C11orf65: variants seen among roughly 807,000 people sequenced by gnomAD.
C11orf65 encodes protein MFI.
Under a neutral mutation model 35.3 loss-of-function variants are expected in C11orf65, and 38 were observed. The observed-to-expected ratio is 1.08, with a 90% CI of 0.83 to 1.41. The LOEUF (loss-of-function observed/expected upper bound fraction) is 1.41, where lower values mean the gene tolerates loss of function less well. C11orf65 is among the 40% of genes most tolerant of loss of function. The pLI, the probability that C11orf65 is intolerant of heterozygous loss-of-function variation, is 0.00. For synonymous variants in C11orf65, 105 were observed against 114.4 expected (o/e 0.92, Z 0.53); for missense variants, 370 against 367.1 (o/e 1.01, Z -0.06).
chr11:108,316,496 A>G (rs1380651999), intron 6 of C11orf65, among the ~76,000 whole-genome samples: 3 of 152,164 alleles, frequency 2.0e-5, no homozygotes, highest in African/African-American at 4.8e-5. Flanking sequence ...AGTTGGTCCC[A>G]GAACCTGTTG....
chr11:108,353,905 G>C, intron 2 of C11orf65: 1 of 1,592,932 alleles, frequency 6.3e-7, no homozygotes, highest in Non-Finnish European at 8.6e-7. Context: ...GTAAAGGAGG[G>C]AAATAATTTT....
intron 2 of C11orf65, among the ~76,000 whole-genome samples, chr11:108,435,528 T>C (rs2093048480): frequency 6.6e-6 from 1 of 152,124 alleles, no homozygotes; most frequent in Non-Finnish European, 1.5e-5. Context: ...TTGTTAAAGG[T>C]CTAGCCCCTT....
At chr11:108,464,294 TTC>T (rs1385922136) in intron 1 of C11orf65, among the ~76,000 whole-genome samples, 11 of 152,056 alleles carry the variant, frequency 7.2e-5, no homozygotes, top group South Asian at 2.1e-4. Context: ...ACATATATAT[TTC>T]TGTTTTTTGT....
intron 2 of C11orf65, among the ~76,000 whole-genome samples, chr11:108,447,820 G>A (rs552088299): frequency 3.3e-5 from 5 of 152,044 alleles, no homozygotes; most frequent in African/African-American, 7.2e-5. Context: ...CACAAAAAAC[G>A]CTTCAAAAAA....
chr11:108,403,684 C>A (rs904724771), intron 6 of C11orf65, among the ~76,000 whole-genome samples: 77 of 152,092 alleles, frequency 5.1e-4, no homozygotes, highest in Non-Finnish European at 9.4e-4. Context: ...TAATTTTACA[C>A]ATGCTGTAAG....
chr11:108,360,068 AAG>A lies in C11orf65; in HGVS notation c.227-24778_227-24777del, dbSNP rs879403981. ...CCGCTAGCAAGACTAATAAAGAAAAAAGAGAGAAGAATCAAATAGACACAATA... is the reference window on the plus strand; with the variant it reads ...CCGCTAGCAAGACTAATAAAGAAAAAAGAGAAGAATCAAATAGACACAATA... On this transcript the variant is annotated intron_variant, in intron 2 of 3. Transcript: ENST00000524755. 1.2e-4 allele frequency among the ~76,000 whole-genome samples: 18 copies of A among 151,976 alleles called. No homozygotes were observed. In the East Asian group the frequency reaches 3.5e-3, roughly 29 times the overall value.
downstream of C11orf65, among the ~76,000 whole-genome samples, chr11:108,326,730 A>G (rs953668840): frequency 6.6e-6 from 1 of 152,264 alleles, no homozygotes; most frequent in African/African-American, 2.4e-5. Flanking sequence ...CACTGGATAA[A>G]GTAGAGGCAT....
Position 108,372,233 on chromosome 11 carries a change from G to A in C11orf65, c.226+20975C>T, listed in dbSNP as rs747573869. 1.0e-3 allele frequency among the ~76,000 whole-genome samples: 153 copies of A among 151,922 alleles called. 1 individual carries two copies. The highest frequency in any genetic ancestry group is 1.6e-3 in the Non-Finnish European group (106 of 67,956). The stretch of plus-strand genomic sequence containing the variant: ...TTCTGAGATGGAGTCCCGCTCTGTC[G>A]CCCAGGCTGGAGTGCAGCAGCACGA... On this transcript the variant is annotated intron_variant, in intron 2 of 3. Coordinates refer to the C11orf65 transcript ENST00000524755.
rs77899973 is a variant in C11orf65 at position 108,314,406 on chromosome 11, C to A, written c.641-5335G>T. 1.2e-3 allele frequency among the ~76,000 whole-genome samples: 178 copies of A among 152,100 alleles called. 1 individual carries two copies. The highest frequency in any genetic ancestry group is 0.011 in the East Asian group (59 of 5,182). On this transcript the variant is annotated intron_variant, in intron 6 of 6. Coordinates refer to the C11orf65 transcript ENST00000525729. ...AAGATGTGAGCCACTGCACCCAGCC[C>A]ATGTACAGTTTTAGGTGTTGACAAG...
At chr11:108,383,757 A>G (rs1436603808) in intron 8 of C11orf65, among the ~76,000 whole-genome samples, 5 of 152,108 alleles carry the variant, frequency 3.3e-5, no homozygotes, top group Non-Finnish European at 7.4e-5. Context: ...AGTTATGCAA[A>G]TCTCCACTAC....
chr11:108,466,648 C>T (rs1217368429), intron 1 of C11orf65, among the ~76,000 whole-genome samples: 2 of 152,202 alleles, frequency 1.3e-5, no homozygotes, highest in African/African-American at 4.8e-5. Flanking sequence ...AAGTATTTTA[C>T]TACACCCATG....
At chr11:108,327,898 A>G (rs112354339), downstream of C11orf65, 1 of 771,998 alleles carries the variant, frequency 1.3e-6, no homozygotes. Flanking sequence ...AGCTCTGTAT[A>G]GTCTCTAGGG....
downstream of C11orf65, among the ~76,000 whole-genome samples, chr11:108,379,629 TAATAA>T (rs1052914747): frequency 4.0e-5 from 6 of 150,986 alleles, no homozygotes; most frequent in African/African-American, 1.5e-4. Context: ...AGTATAATAA[TAATAA>T]AATAAAATTA....
Position 108,312,409 on chromosome 11 carries a change from A to G in C11orf65, c.641-3338T>C, listed in dbSNP as rs746623393. 1 of 1,580,068 alleles carries G rather than the reference A, an allele frequency of 6.3e-7. No homozygotes were observed. Among genetic ancestry groups the G allele is most frequent in the Admixed American group, 1.7e-5 (1 of 59,964 alleles). ...TAAAAGAGGTGTTCTTGTGACAAAC[A>G]GAAGTCTTGCATTTGAAGAAGGAAG... On this transcript the variant is annotated intron_variant, in intron 6 of 6. Coordinates refer to the C11orf65 transcript ENST00000525729.
chr11:108,461,339 G>A, intron 2 of C11orf65, 140 bp downstream of exon 2: 1 of 633,308 alleles, frequency 1.6e-6, no homozygotes. Flanking sequence ...GGCAGAGGCT[G>A]CAGTGACCCA....
At chr11:108,414,960 A>C (rs1324091170) in intron 3 of C11orf65, among the ~76,000 whole-genome samples, 2 of 152,162 alleles carry the variant, frequency 1.3e-5, no homozygotes, top group Non-Finnish European at 2.9e-5. Context: ...ATGTAGAAAA[A>C]GCATTTGACA....
chr11:108,343,124 G>GA (rs1257233162), intron 2 of C11orf65: 57 of 1,475,432 alleles, frequency 3.9e-5, no homozygotes, highest in East Asian at 3.2e-4. Context: ...AATACAACTT[G>GA]AAAAAAAATG....
downstream of C11orf65, among the ~76,000 whole-genome samples, chr11:108,326,782 T>C (rs183304352): frequency 6.6e-6 from 1 of 152,314 alleles, no homozygotes; most frequent in East Asian, 1.9e-4. Flanking sequence ...CCCACAGACA[T>C]GTACCTGCTT....
intron 2 of C11orf65, among the ~76,000 whole-genome samples, chr11:108,443,967 T>A (rs7111091): frequency 0.43 from 65,358 of 151,672 alleles, 14,351 homozygotes; most frequent in Middle Eastern, 0.66. Flanking sequence ...AATAACTAAG[T>A]TCAGAGCGGA....
Sources: gnomAD v4.1 joint callset for allele counts (sites outside exome capture counted in the v4.1 genomes callset) on GRCh38, gnomAD v4.1.1 for gene constraint, MANE v1.5 for transcripts, NCBI Gene and HGNC (gene_info 2026-07-23, HGNC 2026-07-21) for gene names.